Variants in CCDC15 observed in about 807,000 individuals in gnomAD.
CCDC15 encodes the protein coiled-coil domain containing 15.
A neutral mutation model predicts 114.5 loss-of-function variants in CCDC15; 105 were observed. That is an observed-to-expected ratio of 0.92 (90% confidence interval 0.78 to 1.08). The LOEUF is 1.08. Among genes scored for constraint, CCDC15 ranks in the 50% least tolerant of loss-of-function variants. CCDC15 has a pLI of 0.00. For synonymous variants in CCDC15, 334 were observed against 377.8 expected (o/e 0.88, Z 1.34); for missense variants, 1,105 against 1,093.6 (o/e 1.01, Z -0.15).
At chr11:125,009,158 C>T (rs187961892) in intron 13 of CCDC15, among the ~76,000 whole-genome samples, 3,495 of 148,682 alleles carry the variant, frequency 0.024, 153 homozygotes, top group African/African-American at 0.081. Context: ...ACACGGGGGG[C>T]GGAGGTTGCA....
At chr11:124,965,564 C>G (rs189116659) in intron 4 of CCDC15, among the ~76,000 whole-genome samples, 54 of 152,210 alleles carry the variant, frequency 3.5e-4, no homozygotes, top group African/African-American at 1.1e-3. Flanking sequence ...AGCGGTCTAT[C>G]AATTTTGTTG....
intron 4 of CCDC15, among the ~76,000 whole-genome samples, chr11:124,972,721 A>C (rs2135453873): frequency 6.6e-6 from 1 of 152,212 alleles, no homozygotes; most frequent in South Asian, 2.1e-4. Context: ...GTTCTAGGGG[A>C]AAGTTTGTTT....
In CCDC15 at chr11:125,038,998, G is replaced by A. The variant is rs764664849; in HGVS notation, c.2663G>A (p.Cys888Tyr). 6.2e-7 allele frequency: 1 copy of A among 1,612,472 alleles called. No homozygotes were observed. ...ATTACTTTACCTCCACTATGCTGTT[G>A]TGGTCCTGATTTTTGGGATGCTCAT... ...YNITLPPLCC[C>Y]GPDFWDAHPD... Residue 888 changes from cysteine to tyrosine, a missense_variant, in exon 15 of 16, where the codon TGT becomes TAT. Physicochemically the swap from Cys to Tyr is radical, Grantham distance 194. Transcript: ENST00000344762.
chr11:125,018,990 C>T (rs1161236519), intron 13 of CCDC15, among the ~76,000 whole-genome samples: 1 of 151,854 alleles, frequency 6.6e-6, no homozygotes, highest in Non-Finnish European at 1.5e-5. Context: ...TGTGACACCT[C>T]TGAATTTGAT....
At chr11:125,008,100 A>G (rs1948564684) in intron 13 of CCDC15, among the ~76,000 whole-genome samples, 1 of 152,220 alleles carries the variant, frequency 6.6e-6, no homozygotes, top group Non-Finnish European at 1.5e-5. Flanking sequence ...CAGTTAATGT[A>G]TATATCAAGT....
chr11:125,010,420 T>G (rs757894999), intron 13 of CCDC15, among the ~76,000 whole-genome samples: 96 of 151,740 alleles, frequency 6.3e-4, no homozygotes, highest in Non-Finnish European at 1.1e-3. Context: ...CTCTGTCCAG[T>G]GGCACATTCT....
At chr11:125,024,034 CATT>C (rs1196295246) in intron 13 of CCDC15, among the ~76,000 whole-genome samples, 2 of 151,918 alleles carry the variant, frequency 1.3e-5, no homozygotes, top group Non-Finnish European at 2.9e-5. Flanking sequence ...TCTCAAATCA[CATT>C]ATGGTGGTGG....
chr11:125,008,809 CAG>C (rs1948569144), intron 13 of CCDC15, among the ~76,000 whole-genome samples: 3 of 152,004 alleles, frequency 2.0e-5, no homozygotes, highest in Non-Finnish European at 4.4e-5. Context: ...TCTCCTGCCT[CAG>C]CCTCTTGAGT....
At chr11:124,979,802 A>G (rs529502066) in intron 6 of CCDC15, among the ~76,000 whole-genome samples, 109 of 152,216 alleles carry the variant, frequency 7.2e-4, no homozygotes, top group African/African-American at 2.4e-3. Context: ...TTCTAGTACC[A>G]TGTTGAATAG....
chr11:124,981,426 C>G (rs972083161), intron 6 of CCDC15, among the ~76,000 whole-genome samples: 1 of 152,156 alleles, frequency 6.6e-6, no homozygotes, highest in Non-Finnish European at 1.5e-5. Flanking sequence ...CTCACTGAAA[C>G]CTCTGCCTCC....
intron 13 of CCDC15, among the ~76,000 whole-genome samples, chr11:125,007,242 C>T (rs919857917): frequency 2.0e-5 from 3 of 152,168 alleles, no homozygotes; most frequent in Admixed American, 6.5e-5. Flanking sequence ...TCCTCTCCTC[C>T]CTTCCCACCC....
intron 13 of CCDC15, among the ~76,000 whole-genome samples, chr11:125,033,855 C>A (rs561191058): frequency 6.6e-6 from 1 of 152,340 alleles, no homozygotes; most frequent in African/African-American, 2.4e-5. Flanking sequence ...TATGTTCCTT[C>A]TATCATCATC....
At chr11:124,970,083 C>A (rs1200777520) in intron 4 of CCDC15, among the ~76,000 whole-genome samples, 1 of 152,170 alleles carries the variant, frequency 6.6e-6, no homozygotes, top group Non-Finnish European at 1.5e-5. Flanking sequence ...CTTGTTTCTA[C>A]ATGTATGCTT....
intron 13 of CCDC15, among the ~76,000 whole-genome samples, chr11:125,032,320 A>T (rs1298377868): frequency 6.6e-6 from 1 of 152,228 alleles, no homozygotes; most frequent in Non-Finnish European, 1.5e-5. Flanking sequence ...GTTGGACCTT[A>T]TGCACAGGAG....
intron 9 of CCDC15, 87 bp from the exon 10 acceptor site, chr11:124,992,493 A>T: frequency 1.4e-6 from 1 of 734,578 alleles, no homozygotes; most frequent in Non-Finnish European, 2.3e-6. Context: ...ATTTCTCTGG[A>T]GTTTTCACTG....
At chr11:124,957,423 G>T (rs1046912481) in intron 2 of CCDC15, among the ~76,000 whole-genome samples, 2 of 152,184 alleles carry the variant, frequency 1.3e-5, no homozygotes, top group Non-Finnish European at 2.9e-5. Context: ...TTCTCTGTTT[G>T]ACTAACTTGG....
At chr11:124,971,845 C>T (rs1482259844) in intron 4 of CCDC15, among the ~76,000 whole-genome samples, 1 of 151,826 alleles carries the variant, frequency 6.6e-6, no homozygotes, top group Non-Finnish European at 1.5e-5. Flanking sequence ...AGTAATACTC[C>T]TTCTTAATTA....
intron 11 of CCDC15, among the ~76,000 whole-genome samples, chr11:124,999,088 T>C (rs941824614): frequency 6.6e-5 from 10 of 152,158 alleles, no homozygotes; most frequent in Non-Finnish European, 1.5e-4. Flanking sequence ...AGAAACATTT[T>C]TCCACTGTCT....
intron 4 of CCDC15, among the ~76,000 whole-genome samples, chr11:124,970,480 A>C (rs1489630886): frequency 6.6e-6 from 1 of 152,250 alleles, no homozygotes; most frequent in Admixed American, 6.5e-5. Flanking sequence ...TTTAAAAATC[A>C]GTATGATATC....
Sources: gnomAD v4.1 joint callset for allele counts (sites outside exome capture counted in the v4.1 genomes callset) on GRCh38, gnomAD v4.1.1 for gene constraint, MANE v1.5 for transcripts, NCBI Gene and HGNC (gene_info 2026-07-23, HGNC 2026-07-21) for gene names.